The following SLC22A23 variants were observed in gnomAD, a reference collection of about 807,000 sequenced individuals.
The protein encoded by SLC22A23 is solute carrier family 22 member 23.
Under a neutral mutation model 61.0 loss-of-function variants are expected in SLC22A23, and 26 were observed. The ratio of observed to expected loss-of-function variants is 0.43; its 90% CI spans 0.31 to 0.59. SLC22A23 has a LOEUF of 0.59. Among genes scored for constraint, SLC22A23 ranks in the 20% least tolerant of loss-of-function variants. The pLI is 0.11. For synonymous variants in SLC22A23, 430 were observed against 413.9 expected, an observed-to-expected ratio of 1.04 and a Z score of -0.47; for missense variants, 796 against 934.7, an observed-to-expected ratio of 0.85 and a Z score of 1.94.
At chr6:3,402,211 C>T (rs1484397070) in intron 3 of SLC22A23, among the ~76,000 whole-genome samples, 1 of 152,208 alleles carries the variant, frequency 6.6e-6, no homozygotes, top group African/African-American at 2.4e-5. Flanking sequence ...CCACAGCAGC[C>T]TCCCAGCTCC....
At chr6:3,340,311 T>C (rs769462552) in intron 3 of SLC22A23, among the ~76,000 whole-genome samples, 21 of 152,250 alleles carry the variant, frequency 1.4e-4, no homozygotes, top group Admixed American at 2.0e-4. Flanking sequence ...AAGAAAGTGA[T>C]GATATAAGGT....
intron 3 of SLC22A23, among the ~76,000 whole-genome samples, chr6:3,356,246 C>A (rs1335419364): frequency 6.6e-6 from 1 of 150,860 alleles, no homozygotes; most frequent in African/African-American, 2.4e-5. Context: ...CCTCCTTCTG[C>A]GTGCCAGCCC....
intron 6 of SLC22A23, 54 bp from the exon 7 acceptor site, chr6:3,287,145 C>T (rs1242059448): frequency 2.5e-5 from 39 of 1,547,800 alleles, no homozygotes; most frequent in Middle Eastern, 1.7e-4. Flanking sequence ...CCAGGGGCTG[C>T]GCTGCCTCCT....
intron 9 of SLC22A23, among the ~76,000 whole-genome samples, chr6:3,277,144 TG>T (rs1758986147): frequency 1.3e-5 from 2 of 152,264 alleles, no homozygotes; most frequent in Admixed American, 6.5e-5. Flanking sequence ...AGGGGGCAGC[TG>T]GGTGTAGGAG....
intron 3 of SLC22A23, among the ~76,000 whole-genome samples, chr6:3,348,221 G>A (rs183282932): frequency 1.6e-3 from 241 of 152,296 alleles, no homozygotes; most frequent in Middle Eastern, 3.4e-3. Flanking sequence ...GCTTGGGGAC[G>A]GAAGGATGTG....
intron 3 of SLC22A23, among the ~76,000 whole-genome samples, chr6:3,338,106 A>C (rs1763958161): frequency 6.6e-6 from 1 of 152,130 alleles, no homozygotes; most frequent in Admixed American, 6.5e-5. Flanking sequence ...AGTTTCCCCC[A>C]TATATTTACC....
In SLC22A23 at chr6:3,324,081, G is replaced by A. The variant is rs1211914880; in HGVS notation, c.914-79C>T. On this transcript the variant is annotated intron_variant, in intron 3 of 9. Transcript: ENST00000406686. This position sits in a 1 kb window ranked among gnomAD's most constrained non-coding sequence, Gnocchi z 4.3. ...AAGTCCTGGGTGCACCTGGGCCAGTGCACTGCTTAACCCACCAACGACTGA... is the reference window on the plus strand; with the variant it reads ...AAGTCCTGGGTGCACCTGGGCCAGTACACTGCTTAACCCACCAACGACTGA... The A allele has an allele frequency of 7.2e-6, 11 of 1,536,974 alleles. No homozygotes were observed. The highest frequency in any genetic ancestry group is 9.8e-6 in the Non-Finnish European group (11 of 1,124,032).
chr6:3,436,335 T>A (rs2127545011), intron 1 of SLC22A23, among the ~76,000 whole-genome samples: 1 of 152,204 alleles, frequency 6.6e-6, no homozygotes, highest in South Asian at 2.1e-4. Flanking sequence ...GGTGTTTCAC[T>A]ATGTTGGTCA....
chr6:3,350,630 A>G (rs1486895105), intron 3 of SLC22A23, among the ~76,000 whole-genome samples: 2 of 152,222 alleles, frequency 1.3e-5, no homozygotes, highest in Admixed American at 1.3e-4. Flanking sequence ...CCTGCTCTGA[A>G]GCTTTGACAG....
rs570923626 is a variant in SLC22A23, at chr6:3,452,599, T to TA, written c.654+3306dup. On this transcript the variant is annotated intron_variant, in intron 1 of 9. Transcript: ENST00000406686. ...CTGGGCAACAGAGCCAGACGCTGTC[T>TA]AAAAAAAAAAAAAAAAAAAAAAAAA... Among the ~76,000 whole-genome samples, 54 of 40,558 alleles carry TA rather than the reference T, an allele frequency of 1.3e-3. 7 individuals are homozygous for TA. The highest frequency in any genetic ancestry group is 0.024 in the Middle Eastern group (1 of 42). 26.6% of individuals were successfully genotyped at this position (40,558 alleles called of 152,430 possible). A position where few individuals can be genotyped will look rare whatever the true frequency, so the allele number is the denominator to read the frequency against.
chr6:3,281,021 A>G (rs948509415), intron 9 of SLC22A23, among the ~76,000 whole-genome samples: 1 of 152,130 alleles, frequency 6.6e-6, no homozygotes, highest in African/African-American at 2.4e-5. Context: ...GGGTGTCATG[A>G]TCACCAGCGC....
chr6:3,425,026 G>A (rs894314125), intron 1 of SLC22A23, among the ~76,000 whole-genome samples: 4 of 152,076 alleles, frequency 2.6e-5, no homozygotes, highest in African/African-American at 7.2e-5. Context: ...GAATGCTCCC[G>A]TGTCCACCCG....
chr6:3,379,985 G>C (rs1257673655), intron 3 of SLC22A23, among the ~76,000 whole-genome samples: 1 of 152,132 alleles, frequency 6.6e-6, no homozygotes, highest in Non-Finnish European at 1.5e-5. Context: ...GTGCACGTGC[G>C]TGCATCTGTA....
At chr6:3,283,699 TCCAACAGCCACCTCAGCTATGAA>T (rs1276667535) in intron 9 of SLC22A23, 130 bp downstream of exon 9, 1 of 1,402,428 alleles carries the variant, frequency 7.1e-7, no homozygotes. Context: ...CGGGGTTGGG[TCCAACAGCCACCTCAGCTATGAA>T]CCACGAAGCT....
chr6:3,456,955 G>A lies in SLC22A23; in HGVS notation c.-396C>T, dbSNP rs1357007014. 6.7e-6 allele frequency: 1 copy of A among 150,364 alleles called. No individual in the cohort carries two copies. Among genetic ancestry groups the A allele is most frequent in the Non-Finnish European group, 1.5e-5 (1 of 67,086 alleles). 9.3% of individuals were successfully genotyped at this position (150,364 alleles called of 1,614,324 possible). A position where few individuals can be genotyped will look rare whatever the true frequency, so the allele number is the denominator to read the frequency against. ...GCCGGCGGTTCAGGGCCCTGCGGGC[G>A]GCGGTGCGGGCAAAGGCTGCTGCTC... is the stretch of plus-strand genomic sequence containing the variant. On this transcript the variant is annotated 5_prime_UTR_variant, in exon 1 of 10. Coordinates refer to ENST00000406686, the MANE Select transcript of SLC22A23 (RefSeq NM_015482.2). The surrounding 1 kb of genome is among the most constrained non-coding windows in gnomAD (Gnocchi z 7.1).
chr6:3,356,058 G>A (rs1339442322), intron 3 of SLC22A23, among the ~76,000 whole-genome samples: 1 of 4,740 alleles, frequency 2.1e-4, no homozygotes. Context: ...AGGGGAGGGG[G>A]AGGAGGCGGG....
rs78995857 is a variant in SLC22A23, at chr6:3,448,318, T to C, written c.654+7588A>G. On this transcript the variant is annotated intron_variant, in intron 1 of 9. Transcript: ENST00000406686. ...CCACTGTTTGCCAATTCCTATGGTG[T>C]AAATGCTCCCACCATGGTGAATTTC... 1.2e-4 allele frequency among the ~76,000 whole-genome samples: 19 copies of C among 152,238 alleles called. No individual in the cohort carries two copies. In the East Asian group the frequency reaches 3.3e-3, roughly 26 times the overall value.
At chr6:3,444,789 G>T in intron 1 of SLC22A23, 1 of 985,464 alleles carries the variant, frequency 1.0e-6, no homozygotes, top group Non-Finnish European at 1.2e-6. Flanking sequence ...CCATCACCCT[G>T]GATGCAGGCT....
chr6:3,301,387 T>G (rs957393795), intron 4 of SLC22A23, among the ~76,000 whole-genome samples: 2 of 152,200 alleles, frequency 1.3e-5, no homozygotes, highest in Non-Finnish European at 2.9e-5. Context: ...TCTATGAGAA[T>G]TTTTGCTTAT....
Sources: allele counts gnomAD v4.1 joint callset (sites outside exome capture counted in the v4.1 genomes callset), GRCh38; gene constraint gnomAD v4.1.1; non-coding constraint Gnocchi (gnomAD v3.1); transcripts MANE v1.5; gene names NCBI Gene and HGNC (gene_info 2026-07-23, HGNC 2026-07-21).